CTDSPL2: variants seen among roughly 807,000 people sequenced by gnomAD.
CTDSPL2 encodes CTD small phosphatase-like protein 2.
A neutral mutation model predicts 60.0 loss-of-function variants in CTDSPL2; 5 were observed. The ratio of observed to expected loss-of-function variants is 0.08; its 90% confidence interval spans 0.04 to 0.18. The LOEUF is 0.18. Among genes scored for constraint, CTDSPL2 ranks in the 10% least tolerant of loss-of-function variants. CTDSPL2 has a pLI of 1.00. For synonymous variants in CTDSPL2, 186 were observed against 189.3 expected (o/e 0.98, Z 0.14); for missense variants, 370 against 548.8 (o/e 0.67, Z 3.26).
intron 2 of CTDSPL2, among the ~76,000 whole-genome samples, chr15:44,482,279 G>T (rs777838266): frequency 6.6e-6 from 1 of 152,082 alleles, no homozygotes; most frequent in Admixed American, 6.5e-5. Flanking sequence ...GAGATTACAG[G>T]CATGTGTCAC....
intron 5 of CTDSPL2, among the ~76,000 whole-genome samples, chr15:44,493,934 C>T (rs957479801): frequency 6.6e-6 from 1 of 152,106 alleles, no homozygotes; most frequent in African/African-American, 2.4e-5. Flanking sequence ...TTCTGCTTTA[C>T]ATCTGATGTC....
chr15:44,504,840 G>C (rs1454255991), intron 8 of CTDSPL2, among the ~76,000 whole-genome samples: 1 of 152,152 alleles, frequency 6.6e-6, no homozygotes, highest in African/African-American at 2.4e-5. Context: ...TAGTTGCATA[G>C]TATAGAGGAT....
intron 1 of CTDSPL2, among the ~76,000 whole-genome samples, chr15:44,454,741 G>A (rs890192157): frequency 8.5e-5 from 13 of 152,146 alleles, no homozygotes; most frequent in African/African-American, 2.9e-4. Context: ...GGTTGTAGAT[G>A]TGTGGTGTTA....
intron 1 of CTDSPL2, among the ~76,000 whole-genome samples, chr15:44,456,905 C>T (rs2140687389): frequency 7.2e-6 from 1 of 138,896 alleles, no homozygotes; most frequent in East Asian, 2.1e-4. Context: ...TTGAAACAGG[C>T]TCTCACTGTC....
In CTDSPL2 at chr15:44,521,953, A is replaced by AAC. The variant is rs1555441545; in HGVS notation, c.1335+548_1335+549insCA. 1.7e-4 allele frequency among the ~76,000 whole-genome samples: 26 copies of AAC among 150,114 alleles called. No individual in the cohort carries two copies. The East Asian group carries it at 1.7e-3, about 10-fold the overall frequency. On this transcript the variant is annotated intron_variant, in intron 12 of 12. Coordinates refer to ENST00000260327, the MANE Select transcript of CTDSPL2 (RefSeq NM_016396.3). ...ACTCCGTCTCAAAAAAAAAAAAAAA[A>AAC]AAAAAAAAAACATGATGATGATGAT...
intron 8 of CTDSPL2, among the ~76,000 whole-genome samples, chr15:44,505,180 A>G (rs1336625991): frequency 6.6e-6 from 1 of 152,036 alleles, no homozygotes; most frequent in Non-Finnish European, 1.5e-5. Flanking sequence ...GCCTGTAATG[A>G]TAGCACTTTG....
In CTDSPL2 at chr15:44,506,025, C is replaced by CTTTTTTTTTTTTTTTTTTTTT. The variant is rs753896129; in HGVS notation, c.969+6214_969+6234dup. Among the ~76,000 whole-genome samples, 17 of 117,580 alleles carry CTTTTTTTTTTTTTTTTTTTTT rather than the reference C, an allele frequency of 1.4e-4. 1 individual carries two copies. The East Asian group carries it at 1.6e-3, about 11-fold the overall frequency. The allele number at this position is 117,580 out of a possible 152,430, so 77.1% of individuals were successfully genotyped here. ...GATGAAAATTATGCTTCATTGGTAA[C>CTTTTTTTTTTTTTTTTTTTTT]TTTTTTTTTTTTTTTTTTTTTTGAG... On this transcript the variant is annotated intron_variant, in intron 8 of 12. Coordinates refer to ENST00000260327, the MANE Select transcript of CTDSPL2 (RefSeq NM_016396.3).
intron 8 of CTDSPL2, among the ~76,000 whole-genome samples, chr15:44,506,604 G>A (rs1303246166): frequency 2.0e-5 from 3 of 150,934 alleles, no homozygotes; most frequent in Non-Finnish European, 3.0e-5. Flanking sequence ...TTGTAGAGAC[G>A]GGGTTTCTCT....
chr15:44,519,417 G>T (rs970890334), intron 11 of CTDSPL2, 122 bp downstream of exon 11: 70 of 884,968 alleles, frequency 7.9e-5, no homozygotes, highest in Non-Finnish European at 1.0e-4. Flanking sequence ...TCCCTTTAAT[G>T]TGTCATTTTT....
At chr15:44,440,983 T>G (rs906051367) in intron 1 of CTDSPL2, among the ~76,000 whole-genome samples, 2 of 152,084 alleles carry the variant, frequency 1.3e-5, no homozygotes. Context: ...GGGAAGGTGT[T>G]TCTGAATTTT....
At chr15:44,443,882 GTACT>G (rs1341205074) in intron 1 of CTDSPL2, among the ~76,000 whole-genome samples, 1 of 152,110 alleles carries the variant, frequency 6.6e-6, no homozygotes, top group Admixed American at 6.6e-5. Flanking sequence ...TGTTGATAGT[GTACT>G]TTGATACACA....
chr15:44,434,513 C>T (rs754159908), intron 1 of CTDSPL2, among the ~76,000 whole-genome samples: 5 of 152,220 alleles, frequency 3.3e-5, no homozygotes, highest in Non-Finnish European at 4.4e-5. Flanking sequence ...CCTGCCGCAG[C>T]CTCCCAAGTA....
Position 44,453,734 on chromosome 15 carries a change from G to A in CTDSPL2, c.-24-5257G>A, listed in dbSNP as rs190853317. Among the ~76,000 whole-genome samples the A allele has an allele frequency of 1.9e-3, 292 of 152,140 alleles. 1 individual carries two copies. The highest frequency in any genetic ancestry group is 6.7e-3 in the African/African-American group (276 of 41,482). On this transcript the variant is annotated intron_variant, in intron 1 of 12. Transcript: ENST00000260327. ...AATGATGGTTTCCAATTTCATCCAT[G>A]TCCCTACAAAGGACATGAACTCATC... is the stretch of plus-strand genomic sequence containing the variant.
intron 1 of CTDSPL2, among the ~76,000 whole-genome samples, chr15:44,453,054 T>C (rs1473295218): frequency 6.6e-6 from 1 of 152,180 alleles, no homozygotes; most frequent in Non-Finnish European, 1.5e-5. Flanking sequence ...GTTTTTTCTT[T>C]ATGATTATTC....
intron 1 of CTDSPL2, among the ~76,000 whole-genome samples, chr15:44,428,300 C>T (rs1170470393): frequency 1.3e-5 from 2 of 152,176 alleles, no homozygotes; most frequent in Non-Finnish European, 2.9e-5. Context: ...GACATTGTTA[C>T]TTTTTCAAAT....
intron 8 of CTDSPL2, among the ~76,000 whole-genome samples, chr15:44,512,980 G>A (rs977822594): frequency 1.3e-5 from 2 of 151,620 alleles, no homozygotes; most frequent in African/African-American, 4.9e-5. Flanking sequence ...GCTGGGGTAG[G>A]AGAATTGCTT....
At chr15:44,498,269 A>G (rs1681148603) in intron 7 of CTDSPL2, among the ~76,000 whole-genome samples, 1 of 152,204 alleles carries the variant, frequency 6.6e-6, no homozygotes, top group African/African-American at 2.4e-5. Context: ...CTGGAACCCT[A>G]TAATTGGTAC....
At chr15:44,456,711 T>G (rs2140686115) in intron 1 of CTDSPL2, among the ~76,000 whole-genome samples, 1 of 152,208 alleles carries the variant, frequency 6.6e-6, no homozygotes, top group East Asian at 1.9e-4. Context: ...TCATTGATTT[T>G]TTTTAAGGGT....
intron 1 of CTDSPL2, among the ~76,000 whole-genome samples, chr15:44,456,934 T>TG (rs1454655073): frequency 6.6e-6 from 1 of 150,780 alleles, no homozygotes; most frequent in African/African-American, 2.4e-5. Context: ...TGGAGTGCAG[T>TG]GGCGCGGTAT....
Sources: allele counts gnomAD v4.1 joint callset (sites outside exome capture counted in the v4.1 genomes callset), GRCh38; gene constraint gnomAD v4.1.1; transcripts MANE v1.5; gene names NCBI Gene and HGNC (gene_info 2026-07-23, HGNC 2026-07-21).